Variants in CRADD observed in about 807,000 individuals in gnomAD.
The protein encoded by CRADD is death domain-containing protein CRADD.
A neutral mutation model predicts 15.5 loss-of-function variants in CRADD; 9 were observed. The observed-to-expected ratio is 0.58, with a 90% CI of 0.35 to 1.01. The LOEUF (loss-of-function observed/expected upper bound fraction) is 1.01, where lower values mean the gene tolerates loss of function less well. Among genes scored for constraint, CRADD ranks in the 50% least tolerant of loss-of-function variants. CRADD has a pLI of 0.02. For synonymous variants in CRADD, 118 were observed against 107.6 expected, an observed-to-expected ratio of 1.10 and a Z score of -0.60; for missense variants, 227 against 250.3, an observed-to-expected ratio of 0.91 and a Z score of 0.63.
chr12:93,711,055 C>CCCCCCTTTTTTTTTTTTTTTTT, intron 2 of CRADD, among the ~76,000 whole-genome samples: 2 of 43,508 alleles, frequency 4.6e-5, no homozygotes, highest in Admixed American at 2.6e-4. Context: ...CCACCCCCGC[C>CCCCCCTTTTTTTTTTTTTTTTT]TTTTTTTTTT....
intron 2 of CRADD, chr12:93,815,737 T>C (rs897207746): frequency 6.6e-6 from 1 of 152,246 alleles, no homozygotes; most frequent in African/African-American, 2.4e-5. Flanking sequence ...TACTGGTGAG[T>C]AAACTGAAGC....
intron 2 of CRADD, among the ~76,000 whole-genome samples, chr12:93,785,804 C>T (rs1452843701): frequency 1.3e-5 from 2 of 152,136 alleles, no homozygotes; most frequent in African/African-American, 2.4e-5. Context: ...AGAATAAGGA[C>T]GTATGGGATC....
At chr12:93,866,336 T>C (rs1254988745) in intron 2 of CRADD, among the ~76,000 whole-genome samples, 1 of 152,196 alleles carries the variant, frequency 6.6e-6, no homozygotes, top group Non-Finnish European at 1.5e-5. Flanking sequence ...CATTTTGTTG[T>C]CTTTTGAAAG....
chr12:93,876,175 G>C (rs1377337723), intron 2 of CRADD, among the ~76,000 whole-genome samples: 1 of 152,068 alleles, frequency 6.6e-6, no homozygotes, highest in Non-Finnish European at 1.5e-5. Flanking sequence ...CCACTGTAAA[G>C]TCTTCTGCCA....
chr12:93,847,021 T>G (rs1272547492), intron 2 of CRADD, among the ~76,000 whole-genome samples: 1 of 152,166 alleles, frequency 6.6e-6, no homozygotes. Flanking sequence ...AAGAATGGCA[T>G]GAACCCAGGA....
At chr12:93,678,443 A>G (rs1565866304) in intron 1 of CRADD, among the ~76,000 whole-genome samples, 1 of 152,216 alleles carries the variant, frequency 6.6e-6, no homozygotes, top group South Asian at 2.1e-4. Context: ...ATCTTCAGAT[A>G]AAAATTGCTT....
intron 2 of CRADD, among the ~76,000 whole-genome samples, chr12:93,787,376 G>A (rs894464654): frequency 6.8e-6 from 1 of 147,132 alleles, no homozygotes; most frequent in African/African-American, 2.6e-5. Flanking sequence ...TTCCAAAAAG[G>A]CATTCTGCAC....
chr12:93,732,050 C>T (rs569672388), intron 2 of CRADD, among the ~76,000 whole-genome samples: 1 of 151,768 alleles, frequency 6.6e-6, no homozygotes, highest in African/African-American at 2.4e-5. Context: ...GCAGGAGAAT[C>T]GCTTGAACGC....
At chr12:93,700,052 G>T (rs1955806477) in intron 2 of CRADD, among the ~76,000 whole-genome samples, 1 of 152,172 alleles carries the variant, frequency 6.6e-6, no homozygotes, top group Non-Finnish European at 1.5e-5. Flanking sequence ...TAGAGTCATT[G>T]GTTCCAGGGG....
At chr12:93,869,908 G>A (rs189540218) in intron 2 of CRADD, among the ~76,000 whole-genome samples, 9 of 152,186 alleles carry the variant, frequency 5.9e-5, no homozygotes, top group Admixed American at 3.3e-4. Flanking sequence ...CAAATTTGGA[G>A]AATATTGTCA....
rs397850463 is a variant in CRADD at position 93,711,055 on chromosome 12, C to CTT, written c.298+32001_298+32002dup. ...CTCCACCCCACCCTCCCACCCCCGC[C>CTT]TTTTTTTTTTTTTTTTTTTGCTTTA... On this transcript the variant is annotated intron_variant, in intron 2 of 2. Transcript: ENST00000332896. 1.7e-3 allele frequency among the ~76,000 whole-genome samples: 74 copies of CTT among 43,460 alleles called. 2 individuals carry two copies. The highest frequency in any genetic ancestry group is 0.014 in the East Asian group (14 of 988). The allele number at this position is 43,460 out of a possible 152,430, so 28.5% of individuals were successfully genotyped here. A position where few individuals can be genotyped will look rare whatever the true frequency, so the allele number is the denominator to read the frequency against.
At chr12:93,684,095 T>C (rs1592877864) in intron 2 of CRADD, among the ~76,000 whole-genome samples, 1 of 152,316 alleles carries the variant, frequency 6.6e-6, no homozygotes, top group East Asian at 1.9e-4. Context: ...AAGGACCTAC[T>C]GAATGCCAGG....
At chr12:93,789,241 T>G (rs904486111) in intron 2 of CRADD, among the ~76,000 whole-genome samples, 3 of 152,040 alleles carry the variant, frequency 2.0e-5, no homozygotes, top group African/African-American at 7.2e-5. Context: ...GTCATTTATT[T>G]TCAGAATGTG....
chr12:93,799,796 A>C (rs1275384903), intron 2 of CRADD, among the ~76,000 whole-genome samples: 1 of 152,210 alleles, frequency 6.6e-6, no homozygotes, highest in African/African-American at 2.4e-5. Context: ...AGACTGATAG[A>C]GTAGTAATTG....
intron 2 of CRADD, among the ~76,000 whole-genome samples, chr12:93,835,626 G>A (rs1055131958): frequency 2.6e-5 from 4 of 151,860 alleles, no homozygotes; most frequent in Non-Finnish European, 5.9e-5. Context: ...TGTAAGTTTT[G>A]CCTTTTATCT....
At chr12:93,719,931 G>A (rs190148905) in intron 2 of CRADD, among the ~76,000 whole-genome samples, 3 of 151,896 alleles carry the variant, frequency 2.0e-5, no homozygotes, top group Non-Finnish European at 2.9e-5. Context: ...GTTCTCTTTC[G>A]TTAATTTCTG....
chr12:93,778,116 T>G (rs1009867377), intron 2 of CRADD, among the ~76,000 whole-genome samples: 1 of 152,178 alleles, frequency 6.6e-6, no homozygotes, highest in African/African-American at 2.4e-5. Context: ...GAAGTCCTTT[T>G]CTTTGTCACT....
intron 2 of CRADD, among the ~76,000 whole-genome samples, chr12:93,888,439 AAGAT>A (rs1390835069): frequency 3.3e-5 from 5 of 151,852 alleles, no homozygotes; most frequent in South Asian, 4.2e-4. Flanking sequence ...AAAAAAAAAA[AAGAT>A]AGAGATGGCA....
In CRADD at chr12:93,811,467, C is replaced by T. The variant is rs79109494; in HGVS notation, c.299-38503C>T. Among the ~76,000 whole-genome samples the T allele has an allele frequency of 3.3e-5, 5 of 152,280 alleles. No individual in the cohort carries two copies. The East Asian group carries it at 9.7e-4, about 29-fold the overall frequency. ...TACTGGCACCATTGAAGGACTCTGCCCTGGCTCAGTGCTGGTTTTGCTTGG... is the reference window on the plus strand; with the variant it reads ...TACTGGCACCATTGAAGGACTCTGCTCTGGCTCAGTGCTGGTTTTGCTTGG... On this transcript the variant is annotated intron_variant, in intron 2 of 2. Coordinates refer to ENST00000332896, the MANE Select transcript of CRADD (RefSeq NM_003805.5).
Sources: gnomAD v4.1 joint callset for allele counts (sites outside exome capture counted in the v4.1 genomes callset) on GRCh38, gnomAD v4.1.1 for gene constraint, MANE v1.5 for transcripts, NCBI Gene and HGNC (gene_info 2026-07-23, HGNC 2026-07-21) for gene names.